Variants in STX4 observed in about 807,000 individuals in gnomAD.
The protein encoded by STX4 is syntaxin-4.
STX4 carries 24 observed loss-of-function variants against 41.8 expected under a neutral mutation model. The observed-to-expected ratio is 0.57, with a 90% CI of 0.42 to 0.81. STX4 has a LOEUF of 0.81. Ranked by LOEUF, STX4 falls within the 30% of genes least tolerant of loss-of-function variation. STX4 has a pLI of 0.00. For missense variants in STX4, 316 were observed against 389.9 expected, an observed-to-expected ratio of 0.81 and a Z score of 1.60; for synonymous variants, 158 against 156.4, an observed-to-expected ratio of 1.01 and a Z score of -0.08.
chr16:31,034,713 C>T (rs1401247941), intron 4 of STX4, 177 bp downstream of exon 4: 2 of 737,348 alleles, frequency 2.7e-6, no homozygotes, highest in Non-Finnish European at 4.2e-6. Flanking sequence ...ACAAGTCCGC[C>T]TCTCAGGTTC....
At chr16:31,034,577 C>A (rs1226259015) in intron 4 of STX4, 41 bp downstream of exon 4, 4 of 1,517,186 alleles carry the variant, frequency 2.6e-6, no homozygotes, top group Admixed American at 2.3e-5. Flanking sequence ...CCCTCTGATC[C>A]TGCCCTGTTG....
rs2056786026 is a variant in STX4 at position 31,034,614 on chromosome 16, C to T, written c.307+78C>T. 1.3e-5 allele frequency: 18 copies of T among 1,427,106 alleles called. 1 individual carries two copies. The South Asian group carries it at 2.5e-4, about 20-fold the overall frequency. 88.4% of individuals were successfully genotyped at this position (1,427,106 alleles called of 1,614,324 possible). ...TGGTATATCTGGGGAGTGTGTGGCC[C>T]AGAGAAGCCAGTGATATATCCAGGT... is the stretch of plus-strand genomic sequence containing the variant. On this transcript the variant is annotated intron_variant, in intron 4 of 10. Transcript: ENST00000313843.
chr16:31,036,128 C>T (rs1388212343), intron 5 of STX4, among the ~76,000 whole-genome samples: 5 of 151,980 alleles, frequency 3.3e-5, no homozygotes, highest in Non-Finnish European at 5.9e-5. Flanking sequence ...GACTGGCCCT[C>T]TCTGGGTCCC....
chr16:31,039,511 C>A lies in STX4; in HGVS notation c.703-30C>A, dbSNP rs778576478. The A allele has an allele frequency of 8.1e-6, 13 of 1,605,460 alleles. No individual in the cohort carries two copies. ...GGTGGGGTGGGCAAAGGCATCCTTA[C>A]CTCCCTGAACCACCCCATCCTCTGA... On this transcript the variant is annotated intron_variant, in intron 8 of 10. Transcript: ENST00000313843. This position sits in a 1 kb window ranked among gnomAD's most constrained non-coding sequence, Gnocchi z 4.1.
In STX4 at chr16:31,034,461, G is replaced by C. The variant is rs2056784576; in HGVS notation, c.233-1G>C. On this transcript the variant is annotated splice_acceptor_variant, in intron 3 of 10. Coordinates refer to ENST00000313843, the MANE Select transcript of STX4 (RefSeq NM_004604.5). LOFTEE classifies it high-confidence loss of function. ...GGGAGTCTTGGCCTTCTCTTATTCA[G>C]GCATGAAGCAGGAGCTGCAGAACCT... The C allele has an allele frequency of 6.2e-7, 1 of 1,602,462 alleles. No individual in the cohort carries two copies. The highest frequency in any genetic ancestry group is 1.3e-5 in the African/African-American group (1 of 74,712).
At chr16:31,035,481 C>T (rs561436703) in intron 5 of STX4, among the ~76,000 whole-genome samples, 57 of 152,260 alleles carry the variant, frequency 3.7e-4, no homozygotes, top group Non-Finnish European at 7.5e-4. Context: ...CCTGCCTCGG[C>T]CTCCCAAAGT....
At chr16:31,038,377 A>G in intron 7 of STX4, 133 bp from the exon 8 acceptor site, 3 of 1,381,964 alleles carry the variant, frequency 2.2e-6, no homozygotes, top group Non-Finnish European at 2.0e-6. Context: ...TGAGGCCTCT[A>G]AGGGAATTAA....
rs2056777686 is a variant in STX4, at chr16:31,034,045, G to C, written c.63G>C (p.Glu21Asp). The C allele has an allele frequency of 6.2e-7, 1 of 1,608,900 alleles. No homozygotes were observed. The highest frequency in any genetic ancestry group is 8.5e-7 in the Non-Finnish European group (1 of 1,176,828). The change falls in exon 2 of 11, where the codon GAG (glutamate) becomes GAC (aspartate). Residue 21 changes from glutamate to aspartate, a missense_variant. By Grantham distance (45) the Glu-to-Asp change is conservative. Transcript: ENST00000313843. ...GDDSSDEEDK[E>D]RVALVVHPGT... Reference sequence around the variant, plus strand: ...ACAGCTCGGACGAAGAGGACAAGGAGCGGGTCGCGCTGGTGGTGCACCCGG... The same window carrying C: ...ACAGCTCGGACGAAGAGGACAAGGACCGGGTCGCGCTGGTGGTGCACCCGG...
At chr16:31,037,709 A>T (rs2056811859) in intron 5 of STX4, among the ~76,000 whole-genome samples, 1 of 151,532 alleles carries the variant, frequency 6.6e-6, no homozygotes, top group South Asian at 2.1e-4. Context: ...AAATAAATAA[A>T]TAAAAAAGAT....
In STX4 at chr16:31,038,041, T is replaced by G. The variant is rs756215715; in HGVS notation, c.487+7T>G. 2 of 1,614,192 alleles carry G rather than the reference T, an allele frequency of 1.2e-6. No individual in the cohort carries two copies. The highest frequency in any genetic ancestry group is 1.7e-6 in the Non-Finnish European group (2 of 1,180,014). ...CGGAGGCAGCTGAAGATCAGTGAGT[T>G]GTGCATGCCCAGCCTGGCCCGCAGG... On this transcript the variant is annotated splice_region_variant and intron_variant, in intron 6 of 10. Transcript: ENST00000313843.
chr16:31,038,795 T>A, intron 8 of STX4, 148 bp downstream of exon 8: 3 of 1,081,168 alleles, frequency 2.8e-6, no homozygotes, highest in Non-Finnish European at 3.9e-6. Context: ...TCCTTAGCTG[T>A]ACCCCGAGAA....
rs1248330138 is a variant in STX4 at position 31,033,902 on chromosome 16, G to T, written c.30+67G>T. On this transcript the variant is annotated intron_variant, in intron 1 of 10. Transcript: ENST00000313843. The surrounding 1 kb of genome is among the most constrained non-coding windows in gnomAD (Gnocchi z 5.5). ...CTGGAACGCAGGACTTCTGGTCTTC[G>T]GGATAGGGAGGGGTGGCTGATGGCC... The T allele has an allele frequency of 1.4e-6, 2 of 1,452,916 alleles. No individual in the cohort carries two copies. Among genetic ancestry groups the T allele is most frequent in the East Asian group, 2.5e-5 (1 of 39,918 alleles). The allele number at this position is 1,452,916 out of a possible 1,614,324, so 90.0% of individuals were successfully genotyped here.
Position 31,039,548 on chromosome 16 carries a change from T to G in STX4, c.710T>G (p.Met237Arg). ...LATEVEMQGEMINRIEKNILS... is the reference protein window; with the variant it reads ...LATEVEMQGERINRIEKNILS... ...ACCCCATCCTCTGAGCAGGGGGAGA[T>G]GATCAATCGGATTGAGAAGAACATC... The change falls in exon 9 of 11, where the codon ATG (methionine) becomes AGG (arginine). Residue 237 changes from methionine to arginine, a missense_variant. Physicochemically the swap from Met to Arg is moderately conservative, Grantham distance 91. Transcript: ENST00000313843. The surrounding 1 kb of genome is among the most constrained non-coding windows in gnomAD (Gnocchi z 4.1). 6.2e-7 allele frequency: 1 copy of G among 1,613,960 alleles called. No individual in the cohort carries two copies. The highest frequency in any genetic ancestry group is 8.5e-7 in the Non-Finnish European group (1 of 1,179,994).
Position 31,039,964 on chromosome 16 carries a change from G to C in STX4, c.*68G>C, listed in dbSNP as rs1263837961. ...CTGGCCTTCTCTCCCAGCAGCCTGGGGGGCAGGGCAGAGCCTCCAGTCGGA... is the reference window on the plus strand; with the variant it reads ...CTGGCCTTCTCTCCCAGCAGCCTGGCGGGCAGGGCAGAGCCTCCAGTCGGA... On this transcript the variant is annotated 3_prime_UTR_variant, in exon 11 of 11. Transcript: ENST00000313843. This position sits in a 1 kb window ranked among gnomAD's most constrained non-coding sequence, Gnocchi z 4.1. The C allele has an allele frequency of 1.0e-5, 8 of 792,962 alleles. No individual in the cohort carries two copies. Among genetic ancestry groups the C allele is most frequent in the South Asian group, 3.3e-5 (2 of 60,504 alleles). The allele number at this position is 792,962 out of a possible 1,614,324, so 49.1% of individuals were successfully genotyped here.
chr16:31,035,107 G>A (rs2056790207), intron 5 of STX4, 67 bp downstream of exon 5: 5 of 1,377,862 alleles, frequency 3.6e-6, no homozygotes, highest in Admixed American at 2.0e-5. Flanking sequence ...GATGACAGGT[G>A]TATGAAGGAA....
At position 31,034,975 on chromosome 16, in the gene STX4, G is replaced by A. The variant is rs1027422217; in HGVS notation, c.313G>A (p.Glu105Lys). 1 of 1,606,020 alleles carries A rather than the reference G, an allele frequency of 6.2e-7. No homozygotes were observed. The highest frequency in any genetic ancestry group is 8.5e-7 in the Non-Finnish European group (1 of 1,177,286). The stretch of plus-strand genomic sequence containing the variant: ...ACCCCTGTGTCTTCCCACAGCCATA[G>A]AGCCCCAGAAGGAGGAAGCTGATGA... ...REIRLQLKAI[E>K]PQKEEADENY... is the part of the protein sequence containing the mutation. Residue 105 changes from glutamate to lysine, a missense_variant, in exon 5 of 11, where the codon GAG becomes AAG. Coordinates refer to ENST00000313843, the MANE Select transcript of STX4 (RefSeq NM_004604.5).
At position 31,033,989 on chromosome 16, in the gene STX4, T is replaced by C; in HGVS notation, c.31-24T>C. The stretch of plus-strand genomic sequence containing the variant: ...GGTAAGAGCCGCAGCGAAACGGTGG[T>C]GCCAATGACTCCGGGCCTGGCAGGG... On this transcript the variant is annotated intron_variant, in intron 1 of 10. Transcript: ENST00000313843. This position sits in a 1 kb window ranked among gnomAD's most constrained non-coding sequence, Gnocchi z 5.5. 6.4e-7 allele frequency: 1 copy of C among 1,553,658 alleles called. No individual in the cohort carries two copies.
chr16:31,038,211 C>G, intron 7 of STX4, 21 bp downstream of exon 7: 1 of 1,613,188 alleles, frequency 6.2e-7, no homozygotes, highest in Non-Finnish European at 8.5e-7. Context: ...ACAGCCAGCC[C>G]CTCTCTGCTG....
Position 31,034,112 on chromosome 16 carries a change from A to G in STX4, c.130A>G (p.Lys44Glu). 1 of 1,608,300 alleles carries G rather than the reference A, an allele frequency of 6.2e-7. No individual in the cohort carries two copies. The highest frequency in any genetic ancestry group is 8.5e-7 in the Non-Finnish European group (1 of 1,176,334). ...GAGCCCGGACGAGGAGTTCTTCCAC[A>G]AGGTAAGGGGCTGGGGTCTCCGCCT... ...LGSPDEEFFH[K>E]VRTIRQTIVK... Residue 44 changes from lysine (K) to glutamate (E), a missense_variant and splice_region_variant, in exon 2 of 11, where the codon AAG (lysine) becomes GAG (glutamate). Transcript: ENST00000313843.
Sources: allele counts gnomAD v4.1 joint callset (sites outside exome capture counted in the v4.1 genomes callset), GRCh38; gene constraint gnomAD v4.1.1; non-coding constraint Gnocchi (gnomAD v3.1); transcripts MANE v1.5; gene names NCBI Gene and HGNC (gene_info 2026-07-23, HGNC 2026-07-21).